PIK3CD: variants seen among roughly 807,000 people sequenced by gnomAD.
The protein encoded by PIK3CD is phosphatidylinositol 4,5-bisphosphate 3-kinase catalytic subunit delta isoform.
In PIK3CD, 20 loss-of-function variants were observed where a neutral mutation model predicts 122.9. That is an observed-to-expected ratio of 0.16 (90% CI 0.11 to 0.24). PIK3CD has a LOEUF of 0.24. PIK3CD is among the 10% of genes least tolerant of loss of function. PIK3CD has a pLI of 1.00. For synonymous variants in PIK3CD, 596 were observed against 593.4 expected, an observed-to-expected ratio of 1.00 and a Z score of -0.06; for missense variants, 787 against 1,406.3, an observed-to-expected ratio of 0.56 and a Z score of 7.04.
chr1:9,640,829 C>T, the PIK3CD span, among the ~76,000 whole-genome samples: 3 of 152,186 alleles, frequency 2.0e-5, no homozygotes, highest in Non-Finnish European at 4.4e-5. Context: ...CTCCCGCATC[C>T]TCCTTGCTAT....
Position 9,715,710 on chromosome 1 carries a change from G to T in PIK3CD, c.311G>T (p.Arg104Leu), listed in dbSNP as rs776273008. 1 of 1,613,472 alleles carries T rather than the reference G, an allele frequency of 6.2e-7. No individual in the cohort carries two copies. The highest frequency in any genetic ancestry group is 1.3e-5 in the African/African-American group (1 of 74,960). ...PFLPVLRLVAREGDRVKKLIN... is the reference protein window; with the variant it reads ...PFLPVLRLVALEGDRVKKLIN... Reference sequence around the variant, plus strand: ...CTGCCCGTCCTGCGCCTGGTGGCCCGTGAGGGCGACCGCGTGAAGAAGCTC... The same window carrying T: ...CTGCCCGTCCTGCGCCTGGTGGCCCTTGAGGGCGACCGCGTGAAGAAGCTC... The change falls in exon 4 of 24, where the codon CGT (arginine) becomes CTT (leucine). Residue 104 changes from arginine (R) to leucine (L), a missense_variant. By Grantham distance (102) the Arg-to-Leu change is moderately radical. This residue lies in a region of PIK3CD where 592 missense variants were observed against 920.6 expected (regional missense o/e 0.64). Transcript: ENST00000377346. The surrounding 1 kb of genome is among the most constrained non-coding windows in gnomAD (Gnocchi z 4.1).
intron 1 of PIK3CD, among the ~76,000 whole-genome samples, chr1:9,655,308 G>A (rs910356077): frequency 6.6e-6 from 1 of 152,034 alleles, no homozygotes; most frequent in Non-Finnish European, 1.5e-5. Flanking sequence ...TAGCGAAGGT[G>A]GCAAAACGCC....
In PIK3CD at chr1:9,717,017, C is replaced by T. The variant is rs773827938; in HGVS notation, c.839C>T (p.Ser280Phe). Residue 280 changes from serine (S) to phenylalanine (F), a missense_variant, in exon 7 of 24, where the codon TCC becomes TTC. Ser to Phe is a radical substitution (Grantham distance 155, BLOSUM62 -2). This residue lies in a region of PIK3CD where 592 missense variants were observed against 920.6 expected (regional missense o/e 0.64). Coordinates refer to ENST00000377346, the MANE Select transcript of PIK3CD (RefSeq NM_005026.5). The surrounding 1 kb of genome is among the most constrained non-coding windows in gnomAD (Gnocchi z 5.4). ...LTPHLTMVHS[S>F]SILAMRDEQS... is the part of the protein sequence containing the mutation. Reference sequence around the variant, plus strand: ...CCTCACCTGACCATGGTCCATTCCTCCTCCATCCTCGCCATGCGGGATGAG... The same window carrying T: ...CCTCACCTGACCATGGTCCATTCCTTCTCCATCCTCGCCATGCGGGATGAG... 6.2e-7 allele frequency: 1 copy of T among 1,613,954 alleles called. No individual in the cohort carries two copies. Among genetic ancestry groups the T allele is most frequent in the East Asian group, 2.2e-5 (1 of 44,874 alleles).
At chr1:9,631,483 C>T in the PIK3CD span, among the ~76,000 whole-genome samples, 2 of 152,156 alleles carry the variant, frequency 1.3e-5, no homozygotes, top group Admixed American at 1.3e-4. Flanking sequence ...GGTGAAACCC[C>T]GTCTCTACTA....
At position 9,704,495 on chromosome 1, in the gene PIK3CD, T is replaced by TTTTTG. The variant is rs1646756346; in HGVS notation, c.-32-5923_-32-5919dup. Among the ~76,000 whole-genome samples the TTTTTG allele has an allele frequency of 2.0e-5, 3 of 152,108 alleles. No individual in the cohort carries two copies. Among genetic ancestry groups the TTTTTG allele is most frequent in the African/African-American group, 7.2e-5 (3 of 41,398 alleles). On this transcript the variant is annotated intron_variant, in intron 2 of 23. Transcript: ENST00000377346. The surrounding 1 kb of genome is among the most constrained non-coding windows in gnomAD (Gnocchi z 5.0). Reference sequence around the variant, plus strand: ...ATTCCTGACTCTCTCCCAAGTTGTTTTTTTGTTTTGCTTTGTTTTGTTTTG... The same window carrying TTTTTG: ...ATTCCTGACTCTCTCCCAAGTTGTTTTTTTGTTTTGTTTTGCTTTGTTTTGTTTTG...
In PIK3CD at chr1:9,719,557, A is replaced by C. The variant is rs572404886; in HGVS notation, c.1243-364A>C. 6.6e-6 allele frequency among the ~76,000 whole-genome samples: 1 copy of C among 152,022 alleles called. No individual in the cohort carries two copies. The highest frequency in any genetic ancestry group is 2.4e-5 in the African/African-American group (1 of 41,502). On this transcript the variant is annotated intron_variant, in intron 9 of 23. Transcript: ENST00000377346. This position sits in a 1 kb window ranked among gnomAD's most constrained non-coding sequence, Gnocchi z 5.5. The stretch of plus-strand genomic sequence containing the variant: ...ATGCCTGTAATCTCAGCTACTTGGG[A>C]GGCTGAGGCAGGATAATTGCTTGAA...
chr1:9,699,254 C>T (rs190551287), intron 2 of PIK3CD, among the ~76,000 whole-genome samples: 1 of 152,276 alleles, frequency 6.6e-6, no homozygotes, highest in East Asian at 1.9e-4. Flanking sequence ...TGAGTTCGGG[C>T]ATTTCGGGGC....
intron 1 of PIK3CD, among the ~76,000 whole-genome samples, chr1:9,672,168 G>A (rs115425304): frequency 2.6e-5 from 4 of 152,142 alleles, no homozygotes; most frequent in African/African-American, 4.8e-5. Flanking sequence ...CTGCGACCTC[G>A]CTTTGAAGCT....
rs1373234785 is a variant in PIK3CD, at chr1:9,723,099, G to T, written c.2427-26G>T. Reference sequence around the variant, plus strand: ...GGGACAGCCCTTGACCATGCCATTTGCCCGTCCCTCTTCCCCCTTGCCTAG... The same window carrying T: ...GGGACAGCCCTTGACCATGCCATTTTCCCGTCCCTCTTCCCCCTTGCCTAG... On this transcript the variant is annotated intron_variant, in intron 19 of 23. Transcript: ENST00000377346. The surrounding 1 kb of genome is among the most constrained non-coding windows in gnomAD (Gnocchi z 4.9). 6.2e-7 allele frequency: 1 copy of T among 1,612,322 alleles called. No homozygotes were observed. The highest frequency in any genetic ancestry group is 1.1e-5 in the South Asian group (1 of 91,060).
At chr1:9,698,645 G>A (rs1179931259) in intron 2 of PIK3CD, among the ~76,000 whole-genome samples, 2 of 152,194 alleles carry the variant, frequency 1.3e-5, no homozygotes, top group Non-Finnish European at 2.9e-5. Context: ...ATATCTTTGT[G>A]TATATAGCTT....
At chr1:9,633,462 C>A in the PIK3CD span, among the ~76,000 whole-genome samples, 1 of 152,180 alleles carries the variant, frequency 6.6e-6, no homozygotes, top group African/African-American at 2.4e-5. Flanking sequence ...TGCTCACCAC[C>A]ACGCCCAGCT....
the PIK3CD span, among the ~76,000 whole-genome samples, chr1:9,628,917 C>T: frequency 6.0e-5 from 9 of 151,246 alleles, no homozygotes; most frequent in East Asian, 2.0e-4. Context: ...AAAGGTTGGG[C>T]GGTGGGAACT....
Position 9,717,937 on chromosome 1 carries a change from G to A in PIK3CD, c.1020+311G>A, listed in dbSNP as rs1246256775. Among the ~76,000 whole-genome samples the A allele has an allele frequency of 6.6e-6, 1 of 152,162 alleles. No homozygotes were observed. The highest frequency in any genetic ancestry group is 1.5e-5 in the Non-Finnish European group (1 of 68,012). On this transcript the variant is annotated intron_variant, in intron 8 of 23. Coordinates refer to ENST00000377346, the MANE Select transcript of PIK3CD (RefSeq NM_005026.5). The surrounding 1 kb of genome is among the most constrained non-coding windows in gnomAD (Gnocchi z 5.4). ...ACCGCAGAGCTGGGGGAAGGGCCGGGCATGGAAGAGGGGCTGGGTCCAGCT... is the reference window on the plus strand; with the variant it reads ...ACCGCAGAGCTGGGGGAAGGGCCGGACATGGAAGAGGGGCTGGGTCCAGCT...
chr1:9,699,283 CCCT>C (rs1646536270), intron 2 of PIK3CD, among the ~76,000 whole-genome samples: 1 of 152,130 alleles, frequency 6.6e-6, no homozygotes, highest in Non-Finnish European at 1.5e-5. Flanking sequence ...CCAGCACTTC[CCCT>C]CATCAACCCA....
chr1:9,698,371 A>G (rs1010822926), intron 2 of PIK3CD, among the ~76,000 whole-genome samples: 10 of 152,160 alleles, frequency 6.6e-5, no homozygotes, highest in African/African-American at 2.4e-4. Flanking sequence ...CGAACTCCCA[A>G]CTTCAGGTGA....
Position 9,720,497 on chromosome 1 carries a change from C to CA in PIK3CD, c.1471-113dup. 6.6e-7 allele frequency: 1 copy of CA among 1,523,528 alleles called. No individual in the cohort carries two copies. Among genetic ancestry groups the CA allele is most frequent in the Non-Finnish European group, 8.9e-7 (1 of 1,129,542 alleles). The allele number at this position is 1,523,528 out of a possible 1,614,324, so 94.4% of individuals were successfully genotyped here. ...GCCAGAGCTGCTGTGGATGCGCCTCCATGCAGAGGACAGCGCCCCCTCAAG... is the reference window on the plus strand; with the variant it reads ...GCCAGAGCTGCTGTGGATGCGCCTCCAATGCAGAGGACAGCGCCCCCTCAAG... On this transcript the variant is annotated intron_variant, in intron 11 of 23. Coordinates refer to ENST00000377346, the MANE Select transcript of PIK3CD (RefSeq NM_005026.5). This position sits in a 1 kb window ranked among gnomAD's most constrained non-coding sequence, Gnocchi z 9.0.
the PIK3CD span, among the ~76,000 whole-genome samples, chr1:9,644,532 TAAA>T: frequency 2.0e-5 from 3 of 150,996 alleles, no homozygotes; most frequent in African/African-American, 4.9e-5. Context: ...AATAAATAAA[TAAA>T]TAAATAAATA....
Position 9,727,348 on chromosome 1 carries a change from CTG to C in PIK3CD, c.*304_*305del, listed in dbSNP as rs1649819653. ...CTGGTGGATCTGGGCCCAGCAAAGA[CTG>C]TTCTCCTCCCGAGGGAACCTTCTTC... is the stretch of plus-strand genomic sequence containing the variant. On this transcript the variant is annotated 3_prime_UTR_variant, in exon 24 of 24. Coordinates refer to ENST00000377346, the MANE Select transcript of PIK3CD (RefSeq NM_005026.5). 1 of 478,886 alleles carries C rather than the reference CTG, an allele frequency of 2.1e-6. No individual in the cohort carries two copies. Among genetic ancestry groups the C allele is most frequent in the Non-Finnish European group, 3.8e-6 (1 of 259,798 alleles). The allele number at this position is 478,886 out of a possible 1,614,324, so 29.7% of individuals were successfully genotyped here.
intron 2 of PIK3CD, among the ~76,000 whole-genome samples, chr1:9,703,524 T>C (rs1646724915): frequency 6.6e-6 from 1 of 152,240 alleles, no homozygotes. Context: ...CCCCCAAACC[T>C]GGGGTAACCC....
Sources: gnomAD v4.1 joint callset for allele counts (sites outside exome capture counted in the v4.1 genomes callset) on GRCh38, gnomAD v4.1.1 for gene constraint, gnomAD v4.1.1 regional missense constraint, Gnocchi (gnomAD v3.1) non-coding constraint, MANE v1.5 for transcripts, NCBI Gene and HGNC (gene_info 2026-07-23, HGNC 2026-07-21) for gene names.